Variants in GNAL observed in about 807,000 individuals in gnomAD.
GNAL encodes guanine nucleotide-binding protein G(olf) subunit alpha.
In GNAL, 18 loss-of-function variants were observed where a neutral mutation model predicts 55.1. That is an observed-to-expected ratio of 0.33 (90% CI 0.23 to 0.48). The LOEUF (loss-of-function observed/expected upper bound fraction) is 0.48, where lower values mean the gene tolerates loss of function less well. Among genes scored for constraint, GNAL ranks in the 20% least tolerant of loss-of-function variants. The pLI, the probability that GNAL is intolerant of heterozygous loss-of-function variation, is 0.99. For synonymous variants in GNAL, 253 were observed against 237.0 expected (o/e 1.07, Z -0.62); for missense variants, 412 against 614.1 (o/e 0.67, Z 3.48).
At chr18:11,696,923 A>G (rs1335639614) in intron 1 of GNAL, among the ~76,000 whole-genome samples, 1 of 152,188 alleles carries the variant, frequency 6.6e-6, no homozygotes. Flanking sequence ...AGAGCACAGC[A>G]CTGGAGTCAG....
intron 1 of GNAL, among the ~76,000 whole-genome samples, chr18:11,710,401 T>C (rs147041437): frequency 8.5e-5 from 13 of 152,360 alleles, no homozygotes; most frequent in Non-Finnish European, 1.8e-4. Context: ...TGTTAATACT[T>C]TGTCTTTTAA....
Position 11,834,143 on chromosome 18 carries a change from CAT to C in GNAL, c.722+9129_722+9130del, listed in dbSNP as rs2035449988. 3.3e-5 allele frequency among the ~76,000 whole-genome samples: 5 copies of C among 152,178 alleles called. No homozygotes were observed. The South Asian group carries it at 1.0e-3, about 32-fold the overall frequency. On this transcript the variant is annotated intron_variant, in intron 5 of 11. Transcript: ENST00000334049. ...AAGTAAAATTTAGTTTACATATTCA[CAT>C]TTGTAACATTTACTTATTATAAACA...
intron 5 of GNAL, among the ~76,000 whole-genome samples, chr18:11,862,067 T>C (rs1414247451): frequency 6.6e-6 from 1 of 151,958 alleles, no homozygotes; most frequent in East Asian, 1.9e-4. Context: ...CACATTCTTG[T>C]ACTCGCTTAG....
At chr18:11,775,523 G>A (rs8099153) in intron 4 of GNAL, among the ~76,000 whole-genome samples, 18,330 of 152,206 alleles carry the variant, frequency 0.12, 1,591 homozygotes, top group African/African-American at 0.24. Context: ...TTGGCGCCAG[G>A]GCCTACACTC....
chr18:11,689,775 C>G lies in GNAL; in HGVS notation c.212C>G (p.Pro71Arg). Residue 71 changes from proline to arginine, a missense_variant, in exon 1 of 12, where the codon CCG becomes CGG. Pro to Arg is a moderately radical substitution (Grantham distance 103). Around this residue, in one of 5 missense-constraint regions of GNAL, gnomAD observed 228 missense variants for 194.8 expected, o/e 1.17. Coordinates refer to ENST00000334049, the MANE Select transcript of GNAL (RefSeq NM_182978.4). ...PACARPKADK[P>R]KEKRQRTEQL... ...TGCGCTCGGCCCAAAGCAGACAAGC[C>G]GAAGGAGAAGCGGCAGCGCACCGAG... 6.5e-7 allele frequency: 1 copy of G among 1,526,752 alleles called. No homozygotes were observed. The allele number at this position is 1,526,752 out of a possible 1,614,324, so 94.6% of individuals were successfully genotyped here.
chr18:11,763,028 C>T (rs979335761), intron 4 of GNAL, among the ~76,000 whole-genome samples: 3 of 152,110 alleles, frequency 2.0e-5, no homozygotes, highest in East Asian at 3.8e-4. Flanking sequence ...ATAGATTAAC[C>T]GTATTAGAGC....
At chr18:11,760,084 G>A (rs1432869588) in intron 4 of GNAL, among the ~76,000 whole-genome samples, 5 of 152,002 alleles carry the variant, frequency 3.3e-5, no homozygotes, top group Non-Finnish European at 5.9e-5. Flanking sequence ...TGAGGACCAG[G>A]CCTCTTTCTC....
At chr18:11,824,705 C>G (rs1487117736) in intron 4 of GNAL, among the ~76,000 whole-genome samples, 1 of 80,394 alleles carries the variant, frequency 1.2e-5, no homozygotes, top group Non-Finnish European at 3.1e-5. Context: ...AAACAAAAAA[C>G]TTTTGCAATT....
In GNAL at chr18:11,751,641, C is replaced by T; in HGVS notation, c.377-1212C>T. ...AGACGCACTTTCCCGGCTCGGGGTG[C>T]AAGAGAGCCAGGCGGCCGCGGCGCA... On this transcript the variant is annotated intron_variant, in intron 1 of 11. Coordinates refer to ENST00000334049, the MANE Select transcript of GNAL (RefSeq NM_182978.4). This position sits in a 1 kb window ranked among gnomAD's most constrained non-coding sequence, Gnocchi z 4.5. The T allele has an allele frequency of 2.0e-6, 2 of 985,428 alleles. No individual in the cohort carries two copies. Among genetic ancestry groups the T allele is most frequent in the South Asian group, 9.4e-5 (2 of 21,292 alleles). 61.0% of individuals were successfully genotyped at this position (985,428 alleles called of 1,614,324 possible).
chr18:11,796,947 A>G (rs1040088894), intron 4 of GNAL, among the ~76,000 whole-genome samples: 7 of 151,988 alleles, frequency 4.6e-5, no homozygotes, highest in African/African-American at 9.7e-5. Flanking sequence ...TCATCTGAGG[A>G]TAAGTCCCTA....
intron 5 of GNAL, chr18:11,851,966 T>G (rs1310853841): frequency 1.2e-6 from 2 of 1,613,956 alleles, no homozygotes; most frequent in African/African-American, 1.3e-5. Flanking sequence ...GTGGATATGC[T>G]GCTCCAGGAA....
chr18:11,756,421 G>A (rs1412256662), intron 4 of GNAL, among the ~76,000 whole-genome samples: 4 of 152,038 alleles, frequency 2.6e-5, no homozygotes, highest in Admixed American at 6.5e-5. Context: ...TCTTTCAGAG[G>A]TAATACTTTT....
At chr18:11,873,861 C>T (rs1397274078) in intron 10 of GNAL, among the ~76,000 whole-genome samples, 1 of 152,192 alleles carries the variant, frequency 6.6e-6, no homozygotes, top group African/African-American at 2.4e-5. Context: ...GGGGGTCCTT[C>T]CAACAGGGTC....
At position 11,872,331 on chromosome 18, in the gene GNAL, C is replaced by A; in HGVS notation, c.1095C>A (p.Val365=). The change falls in exon 10 of 12, where the codon GTC becomes GTA. Residue 365 remains valine (V), a synonymous_variant. Transcript: ENST00000334049. ...AACAAGATATGCTGGCAGAAAAAGT[C>A]TTGGCAGGGAAATCAAAAATTGAAG... The part of the protein sequence containing the change: ...LNKQDMLAEK[V]LAGKSKIEDY... The A allele has an allele frequency of 6.3e-7, 1 of 1,576,464 alleles. No individual in the cohort carries two copies. Among genetic ancestry groups the A allele is most frequent in the Non-Finnish European group, 8.6e-7 (1 of 1,163,734 alleles).
At chr18:11,690,472 A>G (rs1378468021) in intron 1 of GNAL, among the ~76,000 whole-genome samples, 1 of 147,920 alleles carries the variant, frequency 6.8e-6, no homozygotes, top group Non-Finnish European at 1.5e-5. Context: ...TTTTTTTTTT[A>G]TTATACTTTA....
intron 1 of GNAL, among the ~76,000 whole-genome samples, chr18:11,744,641 C>G (rs1272010914): frequency 5.3e-5 from 8 of 152,240 alleles, no homozygotes; most frequent in Non-Finnish European, 1.5e-5. Context: ...GTTTGCAACT[C>G]TCGGGCTATA....
intron 1 of GNAL, among the ~76,000 whole-genome samples, chr18:11,703,795 G>GCGCGCACA (rs1311432181): frequency 2.2e-4 from 31 of 141,496 alleles, no homozygotes; most frequent in African/African-American, 7.9e-4. Flanking sequence ...GTGTTGATGG[G>GCGCGCACA]CACACACACA....
chr18:11,747,694 TAA>T (rs1002310202), intron 1 of GNAL: 1 of 147,770 alleles, frequency 6.8e-6, no homozygotes, highest in African/African-American at 2.5e-5. Flanking sequence ...GTGAAAAAAA[TAA>T]AAGTCTTAAA....
chr18:11,767,361 T>C (rs1256366353), intron 4 of GNAL, among the ~76,000 whole-genome samples: 2 of 151,952 alleles, frequency 1.3e-5, no homozygotes, highest in Admixed American at 6.6e-5. Flanking sequence ...ACAAACCTGC[T>C]CTGTGCACAC....
Sources: allele counts gnomAD v4.1 joint callset (sites outside exome capture counted in the v4.1 genomes callset), GRCh38; gene constraint gnomAD v4.1.1; regional missense constraint gnomAD v4.1.1; non-coding constraint Gnocchi (gnomAD v3.1); transcripts MANE v1.5; gene names NCBI Gene and HGNC (gene_info 2026-07-23, HGNC 2026-07-21).